KRAS: variants seen among roughly 807,000 people sequenced by gnomAD.
KRAS encodes KRas proto-oncogene, GTPase, also known as GTPase KRas.
Under a neutral mutation model 21.0 loss-of-function variants are expected in KRAS, and 1 was observed. The observed-to-expected ratio is 0.05, with a 90% confidence interval of 0.02 to 0.23. The LOEUF is 0.23. KRAS is among the 10% of genes least tolerant of loss of function. KRAS has a pLI of 1.00. For synonymous variants in KRAS, 67 were observed against 72.5 expected, an observed-to-expected ratio of 0.92 and a Z score of 0.39; for missense variants, 107 against 221.8, an observed-to-expected ratio of 0.48 and a Z score of 3.29.
At position 25,208,992 on chromosome 12, in the gene KRAS, CTT is replaced by C; in HGVS notation, c.*801_*802del. The C allele has an allele frequency of 2.9e-6, 1 of 346,478 alleles. No individual in the cohort carries two copies. The highest frequency in any genetic ancestry group is 5.1e-6 in the Non-Finnish European group (1 of 194,460). The allele number at this position is 346,478 out of a possible 1,614,324, so 21.5% of individuals were successfully genotyped here. On this transcript the variant is annotated 3_prime_UTR_variant, in exon 5 of 5. Transcript: ENST00000311936. ...GAGAATTTTTTATACTTGTTAAAAT[CTT>C]TTCAATTATTATAAAAATTTAGTAG...
rs71065923 is a variant in KRAS at position 25,208,167 on chromosome 12, TAAA to T, written c.*1625_*1627del. ...AAATGGAATATAAATTACATAGTTG[TAAA>T]AAAAAAAAACTAAGAGTTTGAGATG... On this transcript the variant is annotated 3_prime_UTR_variant, in exon 5 of 5. Transcript: ENST00000311936. 2 of 209,090 alleles carry T rather than the reference TAAA, an allele frequency of 9.6e-6. No individual in the cohort carries two copies. Among genetic ancestry groups the T allele is most frequent in the African/African-American group, 4.7e-5 (2 of 42,990 alleles). 13.0% of individuals were successfully genotyped at this position (209,090 alleles called of 1,614,324 possible).
chr12:25,235,184 T>C, intron 2 of KRAS: 1 of 521,850 alleles, frequency 1.9e-6, no homozygotes. Context: ...TTTCTTAATG[T>C]ATTAAGTATT....
At chr12:25,246,254 C>T (rs976759147) in intron 1 of KRAS, among the ~76,000 whole-genome samples, 3 of 151,424 alleles carry the variant, frequency 2.0e-5, no homozygotes, top group Non-Finnish European at 4.4e-5. Flanking sequence ...CACCGCTGCA[C>T]AAAAAAAGAT....
intron 4 of KRAS, among the ~76,000 whole-genome samples, chr12:25,217,357 T>C (rs1410704344): frequency 6.6e-6 from 1 of 152,206 alleles, no homozygotes; most frequent in Non-Finnish European, 1.5e-5. Flanking sequence ...AATTTACCTC[T>C]AAAGTCAAAC....
At position 25,209,569 on chromosome 12, in the gene KRAS, C is replaced by A; in HGVS notation, c.*226G>T. 7.5e-7 allele frequency: 1 copy of A among 1,329,880 alleles called. No homozygotes were observed. The highest frequency in any genetic ancestry group is 9.6e-7 in the Non-Finnish European group (1 of 1,043,442). The allele number at this position is 1,329,880 out of a possible 1,614,324, so 82.4% of individuals were successfully genotyped here. The stretch of plus-strand genomic sequence containing the variant: ...AATCTTAGGTATTCAGTTTCTTTTT[C>A]ACAGGCATTGCTAGTTCAAAAACCA... On this transcript the variant is annotated 3_prime_UTR_variant, in exon 5 of 5. Coordinates refer to ENST00000311936, the MANE Select transcript of KRAS (RefSeq NM_004985.5).
At chr12:25,245,196 G>A in intron 2 of KRAS, 78 bp downstream of exon 2, 3 of 1,437,182 alleles carry the variant, frequency 2.1e-6, no homozygotes, top group South Asian at 2.4e-5. Context: ...AAGTACTCAT[G>A]AAAATGGTCA....
chr12:25,249,658 T>C (rs1951739574), intron 1 of KRAS, among the ~76,000 whole-genome samples: 1 of 148,410 alleles, frequency 6.7e-6, no homozygotes, highest in South Asian at 2.2e-4. Flanking sequence ...GGTGGATTGC[T>C]ACAATTCCTC....
intron 2 of KRAS, chr12:25,235,137 A>T (rs1199006388): frequency 4.3e-6 from 2 of 462,110 alleles, no homozygotes; most frequent in Non-Finnish European, 8.0e-6. Context: ...AATGTCAATA[A>T]TGTATTACTC....
chr12:25,228,990 C>T (rs886325664), intron 2 of KRAS, among the ~76,000 whole-genome samples: 1 of 152,052 alleles, frequency 6.6e-6, no homozygotes, highest in South Asian at 2.1e-4. Flanking sequence ...ACCCGGGAGG[C>T]GGAGGTTGCA....
At position 25,209,842 on chromosome 12, in the gene KRAS, C is replaced by A; in HGVS notation, c.520G>T (p.Gly174Cys). The change falls in exon 5 of 5, where the codon GGT (glycine) becomes TGT (cysteine). Residue 174 changes from glycine (G) to cysteine (C), a missense_variant. Gly to Cys is a radical substitution (Grantham distance 159, BLOSUM62 -3). Coordinates refer to ENST00000311936, the MANE Select transcript of KRAS (RefSeq NM_004985.5). ...RKHKEKMSKD[G>C]KKKKKKSKTK... ...TTTGACTTCTTTTTCTTCTTTTTACCATCTTTGCTCATCTTTTCTTTATGT... is the reference window on the plus strand; with the variant it reads ...TTTGACTTCTTTTTCTTCTTTTTACAATCTTTGCTCATCTTTTCTTTATGT... 1 of 1,609,564 alleles carries A rather than the reference C, an allele frequency of 6.2e-7. No individual in the cohort carries two copies. Among genetic ancestry groups the A allele is most frequent in the Non-Finnish European group, 8.5e-7 (1 of 1,176,824 alleles).
intron 4 of KRAS, among the ~76,000 whole-genome samples, chr12:25,224,892 A>G (rs1417982565): frequency 6.6e-6 from 1 of 152,188 alleles, no homozygotes; most frequent in Non-Finnish European, 1.5e-5. Context: ...ATATGACTAC[A>G]TATAACAATT....
At chr12:25,217,523 AGT>A (rs1951269198) in intron 4 of KRAS, among the ~76,000 whole-genome samples, 1 of 126,826 alleles carries the variant, frequency 7.9e-6, no homozygotes, top group Non-Finnish European at 1.8e-5. Flanking sequence ...TTCTAAGAGC[AGT>A]CTTATCTTAT....
chr12:25,232,886 A>G (rs1338014199), intron 2 of KRAS, among the ~76,000 whole-genome samples: 1 of 152,226 alleles, frequency 6.6e-6, no homozygotes, highest in Non-Finnish European at 1.5e-5. Flanking sequence ...AAGCAATTAC[A>G]GTATTTATCT....
chr12:25,248,759 G>T (rs1487835524), intron 1 of KRAS, among the ~76,000 whole-genome samples: 1 of 151,920 alleles, frequency 6.6e-6, no homozygotes, highest in African/African-American at 2.4e-5. Flanking sequence ...GTAAGGAGTG[G>T]ACTGGACTCG....
chr12:25,229,808 G>T (rs902764730), intron 2 of KRAS, among the ~76,000 whole-genome samples: 2 of 146,264 alleles, frequency 1.4e-5, no homozygotes, highest in African/African-American at 5.1e-5. Context: ...TCGCTCTGTC[G>T]CCCAGGCTGG....
chr12:25,235,990 G>GA (rs1405175831), intron 2 of KRAS, among the ~76,000 whole-genome samples: 2 of 152,114 alleles, frequency 1.3e-5, no homozygotes, highest in Non-Finnish European at 2.9e-5. Context: ...GATCTGACAG[G>GA]AGCTAAGGCA....
intron 1 of KRAS, among the ~76,000 whole-genome samples, chr12:25,247,663 G>A (rs888669986): frequency 1.3e-5 from 2 of 152,170 alleles, no homozygotes; most frequent in African/African-American, 4.8e-5. Context: ...GACTTTTCTG[G>A]TGTGCAAGAG....
intron 2 of KRAS, among the ~76,000 whole-genome samples, chr12:25,238,864 T>C (rs1399443462): frequency 6.6e-6 from 1 of 152,208 alleles, no homozygotes; most frequent in African/African-American, 2.4e-5. Context: ...GCAGTAAACA[T>C]TCTTATATAT....
rs188937822 is a variant in KRAS at position 25,231,422 on chromosome 12, A to G, written c.112-4010T>C. Among the ~76,000 whole-genome samples, 10 of 152,266 alleles carry G rather than the reference A, an allele frequency of 6.6e-5. No individual in the cohort carries two copies. In the South Asian group the frequency reaches 8.3e-4, roughly 13 times the overall value. On this transcript the variant is annotated intron_variant, in intron 2 of 4. Coordinates refer to ENST00000311936, the MANE Select transcript of KRAS (RefSeq NM_004985.5). ...CTTTACTTACCAATGTAGGCTGAGT[A>G]TCCCTACTCTGAAAAACCAAAATCC...
Sources: allele counts gnomAD v4.1 joint callset (sites outside exome capture counted in the v4.1 genomes callset), GRCh38; gene constraint gnomAD v4.1.1; transcripts MANE v1.5; gene names NCBI Gene and HGNC (gene_info 2026-07-23, HGNC 2026-07-21).